The following DRC11 variants were observed in gnomAD, a reference collection of about 807,000 sequenced individuals.
DRC11 encodes the protein IQ and AAA domain-containing protein 1.
the DRC11 span, among the ~76,000 whole-genome samples, chr2:236,318,660 G>T: frequency 2.6e-5 from 4 of 152,054 alleles, no homozygotes; most frequent in African/African-American, 7.3e-5. The surrounding 1 kb of genome is among the most constrained non-coding windows in gnomAD (Gnocchi z 7.0). Context: ...GCATGTGTTT[G>T]TGTAGTGTGT....
chr2:236,479,477 GCTT>G, the DRC11 span, among the ~76,000 whole-genome samples: 1 of 151,472 alleles, frequency 6.6e-6, no homozygotes, highest in Admixed American at 6.6e-5. This position sits in a 1 kb window ranked among gnomAD's most constrained non-coding sequence, Gnocchi z 4.1. Flanking sequence ...TTAATTAATT[GCTT>G]TTTTATTTTT....
chr2:236,411,055 T>G, the DRC11 span, among the ~76,000 whole-genome samples: 1 of 140,870 alleles, frequency 7.1e-6, no homozygotes, highest in African/African-American at 2.7e-5. Flanking sequence ...TGGGATCTAA[T>G]TAAACTAAAG....
the DRC11 span, among the ~76,000 whole-genome samples, chr2:236,341,900 G>A: frequency 6.6e-6 from 1 of 152,180 alleles, no homozygotes; most frequent in South Asian, 2.1e-4. Context: ...GAGTTTCCCT[G>A]ACATATGTAT....
the DRC11 span, among the ~76,000 whole-genome samples, chr2:236,449,677 C>T: frequency 2.0e-5 from 3 of 152,294 alleles, no homozygotes; most frequent in East Asian, 1.9e-4. The surrounding 1 kb of genome is among the most constrained non-coding windows in gnomAD (Gnocchi z 5.1). Flanking sequence ...CTGCTAGCCC[C>T]GCAGCAATCT....
the DRC11 span, among the ~76,000 whole-genome samples, chr2:236,327,002 G>C: frequency 6.6e-6 from 1 of 152,038 alleles, no homozygotes; most frequent in Non-Finnish European, 1.5e-5. Flanking sequence ...TTACAGGTGT[G>C]AGCCACCATG....
At chr2:236,474,316 T>C in the DRC11 span, among the ~76,000 whole-genome samples, 1 of 152,198 alleles carries the variant, frequency 6.6e-6, no homozygotes, top group Non-Finnish European at 1.5e-5. Flanking sequence ...ACAAACTTCA[T>C]TCATTTGAGC....
chr2:236,400,124 C>G, the DRC11 span, among the ~76,000 whole-genome samples: 3 of 152,346 alleles, frequency 2.0e-5, no homozygotes, highest in African/African-American at 2.4e-5. The surrounding 1 kb of genome is among the most constrained non-coding windows in gnomAD (Gnocchi z 7.9). Context: ...GCCCTTGGAG[C>G]TACTCCGAGT....
chr2:236,388,096 T>G, the DRC11 span, among the ~76,000 whole-genome samples: 1,575 of 152,272 alleles, frequency 0.01, 34 homozygotes, highest in African/African-American at 0.036. Flanking sequence ...CCCTTAACAT[T>G]TTTTCCTTCA....
At chr2:236,507,457 T>C in the DRC11 span, 2 of 619,396 alleles carry the variant, frequency 3.2e-6, no homozygotes, top group East Asian at 2.8e-5. Context: ...CCGGGTTTGC[T>C]TCGCAGGCAC....
the DRC11 span, chr2:236,507,324 G>C: frequency 6.2e-7 from 1 of 1,604,736 alleles, no homozygotes; most frequent in East Asian, 2.2e-5. Flanking sequence ...GTTGCTCTCT[G>C]AAGGACGGTG....
chr2:236,347,508 CTATA>C, the DRC11 span, among the ~76,000 whole-genome samples: 13 of 107,460 alleles, frequency 1.2e-4, 3 homozygotes, highest in East Asian at 2.4e-4. Context: ...AAAAACTGTG[CTATA>C]TATATATATA....
At chr2:236,482,153 A>T in the DRC11 span, among the ~76,000 whole-genome samples, 1 of 151,548 alleles carries the variant, frequency 6.6e-6, no homozygotes, top group South Asian at 2.1e-4. This position sits in a 1 kb window ranked among gnomAD's most constrained non-coding sequence, Gnocchi z 4.5. Context: ...TATATGTATA[A>T]TTCTAAATCC....
the DRC11 span, among the ~76,000 whole-genome samples, chr2:236,471,200 G>A: frequency 6.6e-6 from 1 of 152,108 alleles, no homozygotes; most frequent in Non-Finnish European, 1.5e-5. The surrounding 1 kb of genome is among the most constrained non-coding windows in gnomAD (Gnocchi z 4.6). Flanking sequence ...AGTGGCTGGG[G>A]CTTTGGCCTG....
At chr2:236,395,096 A>G in the DRC11 span, among the ~76,000 whole-genome samples, 4 of 152,236 alleles carry the variant, frequency 2.6e-5, no homozygotes, top group Non-Finnish European at 4.4e-5. Context: ...GGGCAGTCTC[A>G]TAAGAGGTGG....
At chr2:236,447,370 A>C in the DRC11 span, among the ~76,000 whole-genome samples, 1 of 151,702 alleles carries the variant, frequency 6.6e-6, no homozygotes, top group African/African-American at 2.4e-5. This position sits in a 1 kb window ranked among gnomAD's most constrained non-coding sequence, Gnocchi z 4.6. Flanking sequence ...TGCTGTGAAG[A>C]GACGCTGGGA....
At chr2:236,332,883 A>G in the DRC11 span, 2 of 152,106 alleles carry the variant, frequency 1.3e-5, no homozygotes, top group African/African-American at 4.8e-5. The surrounding 1 kb of genome is among the most constrained non-coding windows in gnomAD (Gnocchi z 5.1). Context: ...AATTTCTCTG[A>G]GCTGTGGATG....
the DRC11 span, among the ~76,000 whole-genome samples, chr2:236,477,062 A>G: frequency 6.6e-6 from 1 of 152,102 alleles, no homozygotes. Context: ...GTTGGCCGGT[A>G]GTTTTCTTTT....
chr2:236,495,311 C>T, the DRC11 span, among the ~76,000 whole-genome samples: 3 of 152,150 alleles, frequency 2.0e-5, no homozygotes, highest in Non-Finnish European at 4.4e-5. The surrounding 1 kb of genome is among the most constrained non-coding windows in gnomAD (Gnocchi z 5.6). Context: ...CCATTGCACT[C>T]CAGCCTGGGC....
chr2:236,357,089 T>TATA, the DRC11 span, among the ~76,000 whole-genome samples: 1 of 56,992 alleles, frequency 1.8e-5, no homozygotes, highest in African/African-American at 7.6e-5. Flanking sequence ...ATCTATATAT[T>TATA]TTATATATTC....
Sources: allele counts gnomAD v4.1 joint callset (sites outside exome capture counted in the v4.1 genomes callset), GRCh38; gene constraint gnomAD v4.1.1; non-coding constraint Gnocchi (gnomAD v3.1); transcripts MANE v1.5; gene names NCBI Gene and HGNC (gene_info 2026-07-23, HGNC 2026-07-21).